Variants in SCN1A observed in about 807,000 individuals in gnomAD.
The protein encoded by SCN1A is sodium channel protein type 1 subunit alpha.
SCN1A carries 13 observed loss-of-function variants against 193.7 expected under a neutral mutation model. The observed-to-expected ratio is 0.07, with a 90% CI of 0.04 to 0.11. SCN1A has a LOEUF of 0.11. SCN1A is among the 10% of genes least tolerant of loss of function. The pLI, the probability that SCN1A is intolerant of heterozygous loss-of-function variation, is 1.00. For synonymous variants in SCN1A, 781 were observed against 843.6 expected (o/e 0.93, Z 1.29); for missense variants, 1,432 against 2,451.1 (o/e 0.58, Z 8.78).
intron 4 of SCN1A, among the ~76,000 whole-genome samples, chr2:166,061,394 G>A (rs940848335): frequency 1.1e-4 from 16 of 152,284 alleles, no homozygotes; most frequent in African/African-American, 3.4e-4. Context: ...AGTAAAAAGA[G>A]CAGAGGATTC....
At chr2:166,121,640 A>G (rs1690608130) in intron 2 of SCN1A, among the ~76,000 whole-genome samples, 1 of 152,228 alleles carries the variant, frequency 6.6e-6, no homozygotes, top group Non-Finnish European at 1.5e-5. Context: ...ATTATTATCC[A>G]GTAGGAGGAG....
At chr2:166,013,969 G>T in intron 20 of SCN1A, 71 bp from the exon 21 acceptor site, 1 of 1,556,946 alleles carries the variant, frequency 6.4e-7, no homozygotes. Flanking sequence ...CAATGTCCTT[G>T]TCTTGTCTTT....
chr2:166,078,388 T>C (rs1247827653), intron 2 of SCN1A, among the ~76,000 whole-genome samples: 1 of 147,252 alleles, frequency 6.8e-6, no homozygotes, highest in Non-Finnish European at 1.5e-5. Flanking sequence ...TTAATTTTCT[T>C]CCATTGTATT....
intron 10 of SCN1A, among the ~76,000 whole-genome samples, chr2:166,048,625 C>G (rs188561178): frequency 1.3e-5 from 2 of 152,016 alleles, no homozygotes; most frequent in African/African-American, 4.8e-5. Flanking sequence ...TAGGTTGATT[C>G]CATGTCTTTG....
At chr2:166,117,972 A>AT (rs1410893617) in intron 2 of SCN1A, among the ~76,000 whole-genome samples, 2 of 148,728 alleles carry the variant, frequency 1.3e-5, no homozygotes, top group Non-Finnish European at 3.0e-5. Flanking sequence ...CAAAAAAAAA[A>AT]ATTTTTTTTT....
chr2:166,009,582 C>T (rs1268740030), intron 23 of SCN1A, 137 bp downstream of exon 23: 2 of 669,566 alleles, frequency 3.0e-6, no homozygotes, highest in East Asian at 6.0e-5. Context: ...AGTAAATATG[C>T]AACAGATAAA....
chr2:166,112,756 A>G (rs1432011912), intron 2 of SCN1A, among the ~76,000 whole-genome samples: 1 of 152,146 alleles, frequency 6.6e-6, no homozygotes, highest in Non-Finnish European at 1.5e-5. Context: ...GGGCCCCTAC[A>G]TAGCTTCAGG....
chr2:166,104,694 G>C (rs1312002582), intron 2 of SCN1A, among the ~76,000 whole-genome samples: 1 of 152,118 alleles, frequency 6.6e-6, no homozygotes, highest in Non-Finnish European at 1.5e-5. Flanking sequence ...ATGAGCCAAG[G>C]TGGCACCACT....
In SCN1A at chr2:165,988,895, A is replaced by T. The variant is rs1029455033; in HGVS notation, c.*2350T>A. The stretch of plus-strand genomic sequence containing the variant: ...CCATACTTCTCTTCCTCCTAGAATC[A>T]CTAGCTATCCTCTGACACCAGTTCT... On this transcript the variant is annotated 3_prime_UTR_variant, in exon 29 of 29. Transcript: ENST00000674923. 6.6e-6 allele frequency: 1 copy of T among 152,232 alleles called. No individual in the cohort carries two copies. Among genetic ancestry groups the T allele is most frequent in the African/African-American group, 2.4e-5 (1 of 41,388 alleles). The allele number at this position is 152,232 out of a possible 1,614,324, so 9.4% of individuals were successfully genotyped here.
chr2:166,029,658 T>G (rs1267147356), intron 19 of SCN1A, among the ~76,000 whole-genome samples: 1 of 152,192 alleles, frequency 6.6e-6, no homozygotes, highest in African/African-American at 2.4e-5. Context: ...AATCTAGAAG[T>G]AACTGCCCAT....
At position 166,102,440 on chromosome 2, in the gene SCN1A, G is replaced by T. The variant is rs1688192866; in HGVS notation, c.-142+24484C>A. Among the ~76,000 whole-genome samples the T allele has an allele frequency of 2.0e-5, 3 of 149,594 alleles. No individual in the cohort carries two copies. In the South Asian group the frequency reaches 6.3e-4, roughly 32 times the overall value. ...GAACCCAGGAGGCGGAGCTTGGAGT[G>T]AGCCGAGATCGCTCCACAGCACTCC... On this transcript the variant is annotated intron_variant, in intron 2 of 28. Transcript: ENST00000674923.
intron 2 of SCN1A, among the ~76,000 whole-genome samples, chr2:166,079,306 G>A (rs1685264962): frequency 6.6e-6 from 1 of 150,752 alleles, no homozygotes; most frequent in African/African-American, 2.4e-5. Context: ...CTTATGATCA[G>A]ATCTTTGGAG....
chr2:166,045,795 A>C (rs1697761222), intron 12 of SCN1A, among the ~76,000 whole-genome samples: 2 of 152,192 alleles, frequency 1.3e-5, no homozygotes, highest in Admixed American at 1.3e-4. Flanking sequence ...CAATACCCTC[A>C]AAATATTATT....
intron 2 of SCN1A, among the ~76,000 whole-genome samples, chr2:166,106,182 G>A (rs552039496): frequency 4.0e-4 from 61 of 152,236 alleles, no homozygotes; most frequent in African/African-American, 1.1e-3. Flanking sequence ...GCGAGACTCC[G>A]TCTCAAAACA....
chr2:166,048,595 G>C (rs1574245715), intron 10 of SCN1A, among the ~76,000 whole-genome samples: 1 of 151,978 alleles, frequency 6.6e-6, no homozygotes, highest in Admixed American at 6.6e-5. Flanking sequence ...TCTTTATCCA[G>C]CCTATCATTG....
At chr2:166,081,313 C>G (rs1380827904) in intron 2 of SCN1A, among the ~76,000 whole-genome samples, 1 of 151,932 alleles carries the variant, frequency 6.6e-6, no homozygotes, top group East Asian at 1.9e-4. Flanking sequence ...TGGCATTTCA[C>G]ACAGAAGTCT....
chr2:166,058,611 G>A lies in SCN1A; in HGVS notation c.342C>T (p.Phe114=), dbSNP rs2105918035. ...TAATAGCTATTTTCCTAAGAGGATT[G>A]AAGGGAGTTAAAATGTACAGGGCAG... is the stretch of plus-strand genomic sequence containing the variant. ...ATSALYILTP[F]NPLRKIAIKI... The change falls in exon 5 of 29, where the codon TTC becomes TTT. Residue 114 remains phenylalanine (F), a synonymous_variant. Transcript: ENST00000674923. 6.2e-7 allele frequency: 1 copy of A among 1,611,456 alleles called. No individual in the cohort carries two copies. Among genetic ancestry groups the A allele is most frequent in the East Asian group, 2.2e-5 (1 of 44,774 alleles).
intron 1 of SCN1A, among the ~76,000 whole-genome samples, chr2:166,142,873 T>C (rs1263782064): frequency 1.3e-5 from 2 of 152,324 alleles, no homozygotes; most frequent in East Asian, 3.9e-4. Flanking sequence ...GTTGGTTTTA[T>C]AAATGGGAGT....
chr2:166,142,858 G>T (rs1230951204), intron 1 of SCN1A, among the ~76,000 whole-genome samples: 1 of 152,178 alleles, frequency 6.6e-6, no homozygotes, highest in Non-Finnish European at 1.5e-5. Context: ...AGCCTCATGA[G>T]ATCTGTTGGT....
Sources: allele counts gnomAD v4.1 joint callset (sites outside exome capture counted in the v4.1 genomes callset), GRCh38; gene constraint gnomAD v4.1.1; transcripts MANE v1.5; gene names NCBI Gene and HGNC (gene_info 2026-07-23, HGNC 2026-07-21).